ATAD3C: variants seen among roughly 807,000 people sequenced by gnomAD.
The protein encoded by ATAD3C is ATPase family AAA domain-containing protein 3C.
ATAD3C carries 38 observed loss-of-function variants against 46.3 expected under a neutral mutation model. The ratio of observed to expected loss-of-function variants is 0.82; its 90% confidence interval spans 0.63 to 1.08. The LOEUF (loss-of-function observed/expected upper bound fraction) is 1.08, where lower values mean the gene tolerates loss of function less well. Ranked by LOEUF, ATAD3C falls within the 50% of genes least tolerant of loss-of-function variation. The pLI is 0.00. For missense variants in ATAD3C, 563 were observed against 572.7 expected, an observed-to-expected ratio of 0.98 and a Z score of 0.17; for synonymous variants, 220 against 236.4, an observed-to-expected ratio of 0.93 and a Z score of 0.63.
intron 11 of ATAD3C, among the ~76,000 whole-genome samples, chr1:1,466,535 C>CAAA (rs35433084): frequency 1.6e-4 from 11 of 70,258 alleles, no homozygotes; most frequent in East Asian, 5.8e-4. Flanking sequence ...GATGTCATCT[C>CAAA]AAAAAAAAAA....
chr1:1,454,585 C>T, intron 4 of ATAD3C, 85 bp downstream of exon 4: 1 of 1,494,620 alleles, frequency 6.7e-7, no homozygotes, highest in East Asian at 2.8e-5. Flanking sequence ...CGCATATACT[C>T]CTGTCCCTTC....
chr1:1,457,608 A>C (rs1187545897), intron 8 of ATAD3C, among the ~76,000 whole-genome samples: 58 of 150,464 alleles, frequency 3.9e-4, no homozygotes, highest in African/African-American at 1.1e-3. Flanking sequence ...AAAAAAAAAA[A>C]AAAAAACAAA....
At position 1,455,465 on chromosome 1, in the gene ATAD3C, C is replaced by T; in HGVS notation, c.384C>T (p.Val128=). 2 of 1,612,272 alleles carry T rather than the reference C, an allele frequency of 1.2e-6. No individual in the cohort carries two copies. The highest frequency in any genetic ancestry group is 1.7e-6 in the Non-Finnish European group (2 of 1,179,304). The change falls in exon 5 of 12, where the codon GTC becomes GTT. Residue 128 remains valine (V), a synonymous_variant. Transcript: ENST00000378785. Reference sequence around the variant, plus strand: ...TGCTTCCCCTTCCCCTCCAGCAGGTCAGCCGGCGGCTCCTCAGTCGACCCC... The same window carrying T: ...TGCTTCCCCTTCCCCTCCAGCAGGTTAGCCGGCGGCTCCTCAGTCGACCCC... ...LEALRHPIQQ[V]SRRLLSRPQD... is the part of the protein sequence containing the mutation.
chr1:1,452,287 G>C (rs1781144), intron 2 of ATAD3C, 78 bp from the exon 3 acceptor site: 13 of 1,606,932 alleles, frequency 8.1e-6, no homozygotes, highest in Non-Finnish European at 1.0e-5. Flanking sequence ...CTGTGTCAAG[G>C]CCTCACCCTC....
intron 11 of ATAD3C, among the ~76,000 whole-genome samples, chr1:1,467,638 G>A (rs1639166188): frequency 6.6e-6 from 1 of 152,098 alleles, no homozygotes; most frequent in South Asian, 2.1e-4. Context: ...GACCCGCTCA[G>A]CTGTCCGGGA....
At chr1:1,468,271 T>C (rs1035846741) in intron 11 of ATAD3C, 113 bp from the exon 12 acceptor site, 1 of 1,449,192 alleles carries the variant, frequency 6.9e-7, no homozygotes, top group Non-Finnish European at 9.1e-7. Context: ...TGTTTCACGC[T>C]CAGGCCATCC....
chr1:1,468,378 C>G lies in ATAD3C; in HGVS notation c.1090-6C>G, dbSNP rs1439647888. The G allele has an allele frequency of 3.1e-6, 5 of 1,607,144 alleles. No homozygotes were observed. Among genetic ancestry groups the G allele is most frequent in the Admixed American group, 3.5e-5 (2 of 57,820 alleles). The stretch of plus-strand genomic sequence containing the variant: ...GGCCTCCCTCAGCTCCCTCTCTCCC[C>G]ACTAGGCCACGGCGTATGCCTCCAA... On this transcript the variant is annotated splice_region_variant and splice_polypyrimidine_tract_variant and intron_variant, in intron 11 of 11. Transcript: ENST00000378785.
In ATAD3C at chr1:1,468,647, C is replaced by G. The variant is rs771089144; in HGVS notation, c.*117C>G. 1.3e-6 allele frequency: 2 copies of G among 1,563,586 alleles called. No individual in the cohort carries two copies. Among genetic ancestry groups the G allele is most frequent in the East Asian group, 4.6e-5 (2 of 43,918 alleles). Reference sequence around the variant, plus strand: ...TAATAAAGTCCCACGGGGGCCGCACCGCTGTGTCTATTGGCTGACACGGGG... The same window carrying G: ...TAATAAAGTCCCACGGGGGCCGCACGGCTGTGTCTATTGGCTGACACGGGG... On this transcript the variant is annotated 3_prime_UTR_variant, in exon 12 of 12. Coordinates refer to ENST00000378785, the MANE Select transcript of ATAD3C (RefSeq NM_001039211.3).
In ATAD3C at chr1:1,457,255, G is replaced by A. The variant is rs530166708; in HGVS notation, c.741+75G>A. On this transcript the variant is annotated intron_variant, in intron 8 of 11. Transcript: ENST00000378785. ...TGCGGCTGTCATCCTGGGCCAGGCC[G>A]CAGCCCACTGCTCAATTTCTTTTTC... The A allele has an allele frequency of 2.3e-4, 368 of 1,595,862 alleles. 4 individuals are homozygous for A. Among genetic ancestry groups the A allele is most frequent in the Admixed American group, 3.5e-4 (21 of 59,730 alleles).
At chr1:1,466,856 A>G (rs1377063322) in intron 11 of ATAD3C, among the ~76,000 whole-genome samples, 1 of 151,964 alleles carries the variant, frequency 6.6e-6, no homozygotes, top group Non-Finnish European at 1.5e-5. Context: ...TGGCTTTGAT[A>G]TGAGGGTAAT....
At position 1,455,774 on chromosome 1, in the gene ATAD3C, CCT is replaced by C. The variant is rs533178167; in HGVS notation, c.439-16_439-15del. On this transcript the variant is annotated splice_polypyrimidine_tract_variant and intron_variant, in intron 5 of 11. Transcript: ENST00000378785. ...GGGTGCAGACTGTGTCCTCCAAGCC[CCT>C]GTCTTCCTCGGCAGCCCAGCCTGGA... 8.9e-5 allele frequency: 144 copies of C among 1,613,122 alleles called. 1 individual carries two copies. The Admixed American group carries it at 9.7e-4, about 11-fold the overall frequency.
Position 1,457,129 on chromosome 1 carries a change from C to T in ATAD3C, c.690C>T (p.Gly230=), listed in dbSNP as rs1180433157. ...LFDWANTSRR[G]LLLFVDEADA... The stretch of plus-strand genomic sequence containing the variant: ...AGCTTGGCCTCCCTCTCGTCCACAG[C>T]CTCCTGCTCTTTGTGGATGAAGCGG... Residue 230 remains glycine, a splice_region_variant and synonymous_variant, in exon 8 of 12, where the codon GGC becomes GGT. Coordinates refer to ENST00000378785, the MANE Select transcript of ATAD3C (RefSeq NM_001039211.3). 6.2e-7 allele frequency: 1 copy of T among 1,613,548 alleles called. No individual in the cohort carries two copies. The highest frequency in any genetic ancestry group is 8.5e-7 in the Non-Finnish European group (1 of 1,179,638).
intron 1 of ATAD3C, among the ~76,000 whole-genome samples, 185 bp from the exon 2 acceptor site, chr1:1,451,861 C>A (rs1557775841): frequency 6.6e-6 from 1 of 152,034 alleles, no homozygotes; most frequent in African/African-American, 2.4e-5. Context: ...CTGAACCCAT[C>A]CCCTCAGTGA....
At position 1,455,851 on chromosome 1, in the gene ATAD3C, C is replaced by T. The variant is rs370649895; in HGVS notation, c.499C>T (p.Arg167Trp). The T allele has an allele frequency of 1.7e-5, 27 of 1,613,362 alleles. No individual in the cohort carries two copies. In the East Asian group the frequency reaches 1.8e-4, roughly 11 times the overall value. Residue 167 changes from arginine (R) to tryptophan (W), a missense_variant, in exon 6 of 12, where the codon CGG (arginine) becomes TGG (tryptophan). Coordinates refer to ENST00000378785, the MANE Select transcript of ATAD3C (RefSeq NM_001039211.3). The part of the protein sequence containing the change: ...AIMTRNIKKN[R>W]GLYRHILLYG... Reference sequence around the variant, plus strand: ...AATGACAAGGAACATCAAGAAGAACCGGGGCCTGTACAGGCACATCCTGCT... The same window carrying T: ...AATGACAAGGAACATCAAGAAGAACTGGGGCCTGTACAGGCACATCCTGCT...
chr1:1,465,655 C>T (rs1377771452), intron 11 of ATAD3C, among the ~76,000 whole-genome samples: 1 of 142,070 alleles, frequency 7.0e-6, no homozygotes, highest in Admixed American at 7.1e-5. Context: ...GCTGTTTTTG[C>T]TGTTGATTTT....
chr1:1,459,269 G>T lies in ATAD3C; in HGVS notation c.812+38G>T. On this transcript the variant is annotated intron_variant, in intron 9 of 11. Transcript: ENST00000378785. This position sits in a 1 kb window ranked among gnomAD's most constrained non-coding sequence, Gnocchi z 4.9. ...CTCGGGTCCTGGGCCCCCGGGCAGG[G>T]CTGTGCAGCCGTCACCCTTGGTTCC... is the stretch of plus-strand genomic sequence containing the variant. The T allele has an allele frequency of 6.2e-7, 1 of 1,607,220 alleles. No homozygotes were observed. Among genetic ancestry groups the T allele is most frequent in the Non-Finnish European group, 8.5e-7 (1 of 1,179,684 alleles).
intron 11 of ATAD3C, among the ~76,000 whole-genome samples, chr1:1,465,361 G>T (rs994750137): frequency 1.9e-4 from 29 of 151,550 alleles, no homozygotes; most frequent in Admixed American, 4.0e-4. Flanking sequence ...GGAGGCTGAG[G>T]TGGGTGGATC....
chr1:1,454,956 T>G (rs1695864), intron 4 of ATAD3C, among the ~76,000 whole-genome samples: 2,510 of 150,718 alleles, frequency 0.017, 79 homozygotes, highest in African/African-American at 0.057. Flanking sequence ...TGGCTCACAC[T>G]TGTAATCCCA....
At chr1:1,451,783 G>C (rs1023743331) in intron 1 of ATAD3C, among the ~76,000 whole-genome samples, 1 of 152,038 alleles carries the variant, frequency 6.6e-6, no homozygotes, top group African/African-American at 2.4e-5. Flanking sequence ...TTGGGAGGTC[G>C]GCCAGCAGTG....
Sources: gnomAD v4.1 joint callset for allele counts (sites outside exome capture counted in the v4.1 genomes callset) on GRCh38, gnomAD v4.1.1 for gene constraint, Gnocchi (gnomAD v3.1) non-coding constraint, MANE v1.5 for transcripts, NCBI Gene and HGNC (gene_info 2026-07-23, HGNC 2026-07-21) for gene names.